The following CCDC85A variants were observed in gnomAD, a reference collection of about 807,000 sequenced individuals.
The protein encoded by CCDC85A is coiled-coil domain containing 85A.
Under a neutral mutation model 50.2 loss-of-function variants are expected in CCDC85A, and 38 were observed. That is an observed-to-expected ratio of 0.76 (90% CI 0.58 to 0.99). The LOEUF (loss-of-function observed/expected upper bound fraction) is 0.99. Among genes scored for constraint, CCDC85A ranks in the 50% least tolerant of loss-of-function variants. The probability of loss-of-function intolerance (pLI) is 0.00; values close to 1 mark genes in which losing one functional copy is unlikely to be tolerated. For synonymous variants in CCDC85A, 366 were observed against 301.4 expected (o/e 1.21, Z -2.22); for missense variants, 820 against 742.0 (o/e 1.11, Z -1.22).
intron 2 of CCDC85A, among the ~76,000 whole-genome samples, chr2:56,219,491 A>G (rs1328372502): frequency 2.0e-5 from 3 of 151,824 alleles, no homozygotes; most frequent in Admixed American, 6.6e-5. Context: ...TTCTGCTGCA[A>G]TGACAAACTG....
rs1281626641 is a variant in CCDC85A, at chr2:56,385,169, A to G, written c.*814A>G. The G allele has an allele frequency of 6.6e-6, 1 of 152,282 alleles. No individual in the cohort carries two copies. Among genetic ancestry groups the G allele is most frequent in the Non-Finnish European group, 1.5e-5 (1 of 67,852 alleles). The allele number at this position is 152,282 out of a possible 1,614,324, so 9.4% of individuals were successfully genotyped here. ...TTAACAATTTCAACTAAAAACAACA[A>G]ACATAATTTTTCTAAGTGTTTCGAG... On this transcript the variant is annotated 3_prime_UTR_variant, in exon 6 of 6. Coordinates refer to ENST00000407595, the MANE Select transcript of CCDC85A (RefSeq NM_001080433.2).
intron 2 of CCDC85A, among the ~76,000 whole-genome samples, chr2:56,333,096 A>G (rs761321707): frequency 6.6e-6 from 1 of 152,214 alleles, no homozygotes; most frequent in East Asian, 1.9e-4. Context: ...TATAATACAC[A>G]TAATATATGA....
chr2:56,291,631 G>T (rs1412548777), intron 2 of CCDC85A, among the ~76,000 whole-genome samples: 5 of 152,176 alleles, frequency 3.3e-5, no homozygotes, highest in Admixed American at 3.3e-4. Context: ...AGAATGTTTG[G>T]TGGGCTATCA....
Position 56,299,961 on chromosome 2 carries a change from A to G in CCDC85A, c.1241-42918A>G, listed in dbSNP as rs1253468364. Among the ~76,000 whole-genome samples, 7 of 152,288 alleles carry G rather than the reference A, an allele frequency of 4.6e-5. No homozygotes were observed. The East Asian group carries it at 9.7e-4, about 21-fold the overall frequency. On this transcript the variant is annotated intron_variant, in intron 2 of 5. Coordinates refer to ENST00000407595, the MANE Select transcript of CCDC85A (RefSeq NM_001080433.2). Reference sequence around the variant, plus strand: ...TAACATGAGCTTTGCCATGTGTAGTAGGCCCTGTTCTAGAAAAAGGAGAAA... The same window carrying G: ...TAACATGAGCTTTGCCATGTGTAGTGGGCCCTGTTCTAGAAAAAGGAGAAA...
chr2:56,208,503 TCTC>T (rs2103871175), intron 2 of CCDC85A, among the ~76,000 whole-genome samples: 1 of 152,248 alleles, frequency 6.6e-6, no homozygotes, highest in South Asian at 2.1e-4. Flanking sequence ...TGTAGTCTCA[TCTC>T]CTGGAATCCT....
intron 3 of CCDC85A, among the ~76,000 whole-genome samples, chr2:56,348,887 TTTTG>T (rs1268271136): frequency 6.6e-6 from 1 of 152,212 alleles, no homozygotes; most frequent in African/African-American, 2.4e-5. Flanking sequence ...GTGCTTTGCC[TTTTG>T]TTTGTTTTAG....
chr2:56,260,202 A>G (rs1339872046), intron 2 of CCDC85A, among the ~76,000 whole-genome samples: 2 of 152,204 alleles, frequency 1.3e-5, no homozygotes, highest in Non-Finnish European at 2.9e-5. Context: ...TGGGACCACA[A>G]TAATATGGGA....
At chr2:56,198,306 G>A (rs1281255986) in intron 2 of CCDC85A, among the ~76,000 whole-genome samples, 1 of 152,220 alleles carries the variant, frequency 6.6e-6, no homozygotes, top group Non-Finnish European at 1.5e-5. Flanking sequence ...GAAATTGAAT[G>A]TCTCCTGGGA....
chr2:56,381,554 T>C (rs1338889191), intron 5 of CCDC85A, among the ~76,000 whole-genome samples: 3 of 152,024 alleles, frequency 2.0e-5, no homozygotes, highest in African/African-American at 7.2e-5. Context: ...TTTGAAGAAA[T>C]TAAGACCCAG....
At chr2:56,381,597 T>A (rs189754423) in intron 5 of CCDC85A, among the ~76,000 whole-genome samples, 82 of 152,240 alleles carry the variant, frequency 5.4e-4, no homozygotes, top group Middle Eastern at 3.4e-3. Context: ...TATTTTCTAA[T>A]GAATAGTGAA....
At chr2:56,342,834 A>T in intron 2 of CCDC85A, 45 bp from the exon 3 acceptor site, 1 of 1,300,590 alleles carries the variant, frequency 7.7e-7, no homozygotes, top group South Asian at 1.3e-5. Context: ...AGTACACCAA[A>T]CAAGACCTGT....
Position 56,290,792 on chromosome 2 carries a change from A to G in CCDC85A, c.1241-52087A>G, listed in dbSNP as rs369485635. On this transcript the variant is annotated intron_variant, in intron 2 of 5. Transcript: ENST00000407595. ...ATCTAGAAAATTGTTTCCAAATTCT[A>G]TTTTGAGGTATACTAGTTTGTAGGG... Among the ~76,000 whole-genome samples the G allele has an allele frequency of 5.8e-4, 88 of 152,290 alleles. 1 individual carries two copies. Among genetic ancestry groups the G allele is most frequent in the African/African-American group, 1.9e-3 (80 of 41,574 alleles).
chr2:56,384,383 A>G lies in CCDC85A; in HGVS notation c.*28A>G, dbSNP rs769469179. On this transcript the variant is annotated 3_prime_UTR_variant, in exon 6 of 6. Transcript: ENST00000407595. ...TGCACTCTTTTTCAAACAGGAGATC[A>G]CCACTGCCAGAAAGTGATAGAAGAC... 5.1e-6 allele frequency: 8 copies of G among 1,567,648 alleles called. No homozygotes were observed. The highest frequency in any genetic ancestry group is 4.5e-5 in the East Asian group (2 of 44,486).
intron 2 of CCDC85A, among the ~76,000 whole-genome samples, chr2:56,207,835 A>G (rs533318651): frequency 6.6e-6 from 1 of 152,288 alleles, no homozygotes; most frequent in East Asian, 1.9e-4. Context: ...TTGAATGATC[A>G]CTATAAGAAA....
At position 56,372,399 on chromosome 2, in the gene CCDC85A, G is replaced by T. The variant is rs374131041; in HGVS notation, c.1373G>T (p.Gly458Val). ...PTRNSSNMEK[G>V]WGSRARRVLQ... ...AGAAACAGCTCAAATATGGAGAAAGGCTGGGGGTCCAGAGCCCGGCGGGTC... is the reference window on the plus strand; with the variant it reads ...AGAAACAGCTCAAATATGGAGAAAGTCTGGGGGTCCAGAGCCCGGCGGGTC... Residue 458 changes from glycine (G) to valine (V), a missense_variant, in exon 4 of 6, where the codon GGC (glycine) becomes GTC (valine). By Grantham distance (109) the Gly-to-Val change is moderately radical. Transcript: ENST00000407595. The T allele has an allele frequency of 3.7e-5, 59 of 1,602,872 alleles. No homozygotes were observed. Among genetic ancestry groups the T allele is most frequent in the East Asian group, 9.0e-5 (4 of 44,446 alleles).
chr2:56,375,962 C>G, intron 5 of CCDC85A, 27 bp downstream of exon 5: 1 of 1,604,954 alleles, frequency 6.2e-7, no homozygotes, highest in Non-Finnish European at 8.5e-7. Flanking sequence ...AACCATTTAT[C>G]CAGAGCTTCA....
chr2:56,347,062 G>T (rs1674665813), intron 3 of CCDC85A, among the ~76,000 whole-genome samples: 1 of 152,212 alleles, frequency 6.6e-6, no homozygotes, highest in South Asian at 2.1e-4. Context: ...ACATAGTAGG[G>T]TGTAAAGTAG....
intron 2 of CCDC85A, among the ~76,000 whole-genome samples, chr2:56,233,253 T>A (rs778527271): frequency 6.6e-6 from 1 of 151,426 alleles, no homozygotes; most frequent in African/African-American, 2.5e-5. Flanking sequence ...ACTGACAGGG[T>A]TAAGTCAAAT....
rs557002389 is a variant in CCDC85A at position 56,243,731 on chromosome 2, T to G, written c.1240+50291T>G. 3.3e-5 allele frequency among the ~76,000 whole-genome samples: 5 copies of G among 152,268 alleles called. No individual in the cohort carries two copies. In the East Asian group the frequency reaches 9.7e-4, roughly 29 times the overall value. ...CATCTGGGCATTGAAGAGAAGATAT[T>G]TACTGTAGTCTTCACAGTCTGGACT... On this transcript the variant is annotated intron_variant, in intron 2 of 5. Coordinates refer to ENST00000407595, the MANE Select transcript of CCDC85A (RefSeq NM_001080433.2).
Sources: allele counts gnomAD v4.1 joint callset (sites outside exome capture counted in the v4.1 genomes callset), GRCh38; gene constraint gnomAD v4.1.1; transcripts MANE v1.5; gene names NCBI Gene and HGNC (gene_info 2026-07-23, HGNC 2026-07-21).